Variants in DMAC1 observed in about 807,000 individuals in gnomAD.
DMAC1 encodes the protein distal membrane-arm assembly complex protein 1.
Under a neutral mutation model 7.0 loss-of-function variants are expected in DMAC1, and 10 were observed. That is an observed-to-expected ratio of 1.43 (90% confidence interval 0.88 to 2.43). The LOEUF (loss-of-function observed/expected upper bound fraction) is 2.43, where lower values mean the gene tolerates loss of function less well. Among genes scored for constraint, DMAC1 ranks in the 30% most tolerant of loss-of-function variants. The pLI is 0.00. For synonymous variants in DMAC1, 92 were observed against 66.2 expected, an observed-to-expected ratio of 1.39 and a Z score of -1.90; for missense variants, 219 against 158.7, an observed-to-expected ratio of 1.38 and a Z score of -2.04.
rs548921734 is a variant in DMAC1, at chr9:7,797,585, C to T, written c.*988G>A. On this transcript the variant is annotated 3_prime_UTR_variant, in exon 2 of 2. Transcript: ENST00000358227. The stretch of plus-strand genomic sequence containing the variant: ...GCCATAGTATCTCAGGGTAGAAAAA[C>T]CCAATAGGTAGAAAACATGGCCTTC... The T allele has an allele frequency of 6.6e-6, 1 of 152,228 alleles. No homozygotes were observed. The highest frequency in any genetic ancestry group is 2.1e-4 in the South Asian group (1 of 4,820). The allele number at this position is 152,228 out of a possible 1,614,324, so 9.4% of individuals were successfully genotyped here.
Position 7,797,099 on chromosome 9 carries a change from A to C in DMAC1, c.*1474T>G, listed in dbSNP as rs1255381035. On this transcript the variant is annotated 3_prime_UTR_variant, in exon 2 of 2. Coordinates refer to ENST00000358227, the MANE Select transcript of DMAC1 (RefSeq NM_033428.3). Reference sequence around the variant, plus strand: ...AACCAAAGAAAATGTTCAGGGACTAAAGCAGTCCATCAATAGAACAGACTG... The same window carrying C: ...AACCAAAGAAAATGTTCAGGGACTACAGCAGTCCATCAATAGAACAGACTG... The C allele has an allele frequency of 1.3e-5, 2 of 152,204 alleles. No homozygotes were observed. The highest frequency in any genetic ancestry group is 2.9e-5 in the Non-Finnish European group (2 of 68,046). 9.4% of individuals were successfully genotyped at this position (152,204 alleles called of 1,614,324 possible).
chr9:7,799,332 G>A (rs1174620921), intron 1 of DMAC1, 129 bp downstream of exon 1: 1 of 1,219,614 alleles, frequency 8.2e-7, no homozygotes, highest in African/African-American at 1.6e-5. Flanking sequence ...CACCTTGTTT[G>A]AGGTGCCCCC....
rs545001950 is a variant in DMAC1 at position 7,796,705 on chromosome 9, G to C, written c.*1868C>G. On this transcript the variant is annotated 3_prime_UTR_variant, in exon 2 of 2. Transcript: ENST00000358227. The stretch of plus-strand genomic sequence containing the variant: ...CCTCTTGCTCCTCAGACTACTCAGC[G>C]TGAAGATGAGGATGAAGACCTTTAG... 1.3e-5 allele frequency: 2 copies of C among 152,338 alleles called. No homozygotes were observed. Among genetic ancestry groups the C allele is most frequent in the Non-Finnish European group, 2.9e-5 (2 of 68,030 alleles). 9.4% of individuals were successfully genotyped at this position (152,338 alleles called of 1,614,324 possible). A position where few individuals can be genotyped will look rare whatever the true frequency, so the allele number is the denominator to read the frequency against.
rs1474560856 is a variant in DMAC1 at position 7,797,621 on chromosome 9, G to C, written c.*952C>G. The C allele has an allele frequency of 2.6e-5, 4 of 151,828 alleles. No homozygotes were observed. The highest frequency in any genetic ancestry group is 2.4e-5 in the African/African-American group (1 of 41,380). The allele number at this position is 151,828 out of a possible 1,614,324, so 9.4% of individuals were successfully genotyped here. The stretch of plus-strand genomic sequence containing the variant: ...GAAAACATGGCCTTCTCTTAGAAAT[G>C]AACTATGTAATTTTGAGTACTTATC... On this transcript the variant is annotated 3_prime_UTR_variant, in exon 2 of 2. Coordinates refer to ENST00000358227, the MANE Select transcript of DMAC1 (RefSeq NM_033428.3).
rs1336296863 is a variant in DMAC1 at position 7,796,782 on chromosome 9, A to T, written c.*1791T>A. ...GTGAATATATTACTTCCTTAATAAC[A>T]TTTTTTTTTTCTCTAGCTTACCTTC... is the stretch of plus-strand genomic sequence containing the variant. On this transcript the variant is annotated 3_prime_UTR_variant, in exon 2 of 2. Coordinates refer to ENST00000358227, the MANE Select transcript of DMAC1 (RefSeq NM_033428.3). 1 of 151,082 alleles carries T rather than the reference A, an allele frequency of 6.6e-6. No individual in the cohort carries two copies. Among genetic ancestry groups the T allele is most frequent in the East Asian group, 2.0e-4 (1 of 5,128 alleles). 9.4% of individuals were successfully genotyped at this position (151,082 alleles called of 1,614,324 possible).
Position 7,798,315 on chromosome 9 carries a change from T to C in DMAC1, c.*258A>G, listed in dbSNP as rs1463484089. ...ATTATATTTAAATATAAGTTATACT[T>C]TCCTTCCCCAGATAAGACAAAGAAC... On this transcript the variant is annotated 3_prime_UTR_variant, in exon 2 of 2. Coordinates refer to ENST00000358227, the MANE Select transcript of DMAC1 (RefSeq NM_033428.3). The C allele has an allele frequency of 7.0e-6, 3 of 427,424 alleles. No homozygotes were observed. The highest frequency in any genetic ancestry group is 5.9e-5 in the African/African-American group (3 of 51,218). 26.5% of individuals were successfully genotyped at this position (427,424 alleles called of 1,614,324 possible).
chr9:7,798,410 G>C lies in DMAC1; in HGVS notation c.*163C>G, dbSNP rs1169112869. The C allele has an allele frequency of 1.3e-6, 1 of 775,442 alleles. No individual in the cohort carries two copies. Among genetic ancestry groups the C allele is most frequent in the Non-Finnish European group, 2.2e-6 (1 of 448,582 alleles). The allele number at this position is 775,442 out of a possible 1,614,324, so 48.0% of individuals were successfully genotyped here. A position where few individuals can be genotyped will look rare whatever the true frequency, so the allele number is the denominator to read the frequency against. ...GAAGGCCACAAACACTCCATAGCCAGAGAATGACAACATACGATTTTCTTC... is the reference window on the plus strand; with the variant it reads ...GAAGGCCACAAACACTCCATAGCCACAGAATGACAACATACGATTTTCTTC... On this transcript the variant is annotated 3_prime_UTR_variant, in exon 2 of 2. Coordinates refer to ENST00000358227, the MANE Select transcript of DMAC1 (RefSeq NM_033428.3).
In DMAC1 at chr9:7,797,953, A is replaced by C. The variant is rs1002761355; in HGVS notation, c.*620T>G. The C allele has an allele frequency of 1.3e-5, 2 of 152,236 alleles. No individual in the cohort carries two copies. The highest frequency in any genetic ancestry group is 4.8e-5 in the African/African-American group (2 of 41,456). The allele number at this position is 152,236 out of a possible 1,614,324, so 9.4% of individuals were successfully genotyped here. On this transcript the variant is annotated 3_prime_UTR_variant, in exon 2 of 2. Coordinates refer to ENST00000358227, the MANE Select transcript of DMAC1 (RefSeq NM_033428.3). Reference sequence around the variant, plus strand: ...TCCAATGAAGTAACTACCTCAGACTAGCTGTGAAGCTCTCATAAGGTGATG... The same window carrying C: ...TCCAATGAAGTAACTACCTCAGACTCGCTGTGAAGCTCTCATAAGGTGATG...
Position 7,799,507 on chromosome 9 carries a change from T to G in DMAC1, c.228A>C (p.Gly76=). 1 of 1,613,352 alleles carries G rather than the reference T, an allele frequency of 6.2e-7. No individual in the cohort carries two copies. The highest frequency in any genetic ancestry group is 1.7e-5 in the Admixed American group (1 of 60,006). ...TAATGGTCCATGGACTCGGGGGGTA[T>G]CCCATCTTCATGGGCTTCCGTGCCA... ...YWVARKPMKM[G]YPPSPWTITQ... The change falls in exon 1 of 2, where the codon GGA becomes GGC. Residue 76 remains glycine (G), a synonymous_variant. Coordinates refer to ENST00000358227, the MANE Select transcript of DMAC1 (RefSeq NM_033428.3).
In DMAC1 at chr9:7,798,362, T is replaced by C; in HGVS notation, c.*211A>G. 1 of 544,108 alleles carries C rather than the reference T, an allele frequency of 1.8e-6. No homozygotes were observed. 33.7% of individuals were successfully genotyped at this position (544,108 alleles called of 1,614,324 possible). On this transcript the variant is annotated 3_prime_UTR_variant, in exon 2 of 2. Coordinates refer to ENST00000358227, the MANE Select transcript of DMAC1 (RefSeq NM_033428.3). ...GAACCTGTTTACTTCTCTGAGGGAT[T>C]TATTGGTTCCTGTGAAATCTGTGAA...
At position 7,798,642 on chromosome 9, in the gene DMAC1, A is replaced by G. The variant is rs758453598; in HGVS notation, c.275-5T>C. 4.5e-6 allele frequency: 7 copies of G among 1,555,466 alleles called. No individual in the cohort carries two copies. The highest frequency in any genetic ancestry group is 3.8e-5 in the Admixed American group (2 of 53,010). ...CGATACCCCAGGTGGCAATGCCTAG[A>G]AAAAAAACAACAATACCTTACCTTT... On this transcript the variant is annotated splice_polypyrimidine_tract_variant and splice_region_variant and intron_variant, in intron 1 of 1. Transcript: ENST00000358227.
At chr9:7,799,430 AC>A (rs1818691794) in intron 1 of DMAC1, 30 bp downstream of exon 1, 1 of 1,609,184 alleles carries the variant, frequency 6.2e-7, no homozygotes, top group Non-Finnish European at 8.5e-7. Flanking sequence ...CAGATACCCA[AC>A]CCGCCCAAGT....
intron 1 of DMAC1, 144 bp downstream of exon 1, chr9:7,799,317 T>A (rs1818688542): frequency 1.9e-6 from 2 of 1,060,928 alleles, no homozygotes; most frequent in African/African-American, 3.3e-5. Flanking sequence ...AACAACTTCC[T>A]CTCCCACCTT....
At position 7,798,196 on chromosome 9, in the gene DMAC1, A is replaced by G. The variant is rs914271844; in HGVS notation, c.*377T>C. ...AAAAGTTTTAAAAATTATACTAACT[A>G]TATAACTAAACATATTTATGTTTAT... On this transcript the variant is annotated 3_prime_UTR_variant, in exon 2 of 2. Coordinates refer to ENST00000358227, the MANE Select transcript of DMAC1 (RefSeq NM_033428.3). 11 of 157,782 alleles carry G rather than the reference A, an allele frequency of 7.0e-5. No individual in the cohort carries two copies. The highest frequency in any genetic ancestry group is 1.3e-4 in the Admixed American group (2 of 15,754). The allele number at this position is 157,782 out of a possible 1,614,324, so 9.8% of individuals were successfully genotyped here.
In DMAC1 at chr9:7,799,771, T is replaced by C; in HGVS notation, c.-37A>G. 2 of 1,495,456 alleles carry C rather than the reference T, an allele frequency of 1.3e-6. No individual in the cohort carries two copies. Among genetic ancestry groups the C allele is most frequent in the South Asian group, 2.7e-5 (2 of 75,222 alleles). 92.6% of individuals were successfully genotyped at this position (1,495,456 alleles called of 1,614,324 possible). A position where few individuals can be genotyped will look rare whatever the true frequency, so the allele number is the denominator to read the frequency against. The stretch of plus-strand genomic sequence containing the variant: ...CGGCCTCAACCTTGGGCGTCTTTGG[T>C]TCAAACTGGCGTAAACGACGCACCG... On this transcript the variant is annotated 5_prime_UTR_variant, in exon 1 of 2. Transcript: ENST00000358227.
Position 7,798,352 on chromosome 9 carries a change from T to C in DMAC1, c.*221A>G. ...ATAAGACAAAGAACCTGTTTACTTCTCTGAGGGATTTATTGGTTCCTGTGA... is the reference window on the plus strand; with the variant it reads ...ATAAGACAAAGAACCTGTTTACTTCCCTGAGGGATTTATTGGTTCCTGTGA... On this transcript the variant is annotated 3_prime_UTR_variant, in exon 2 of 2. Coordinates refer to ENST00000358227, the MANE Select transcript of DMAC1 (RefSeq NM_033428.3). The C allele has an allele frequency of 1.9e-6, 1 of 523,816 alleles. No individual in the cohort carries two copies. Among genetic ancestry groups the C allele is most frequent in the Non-Finnish European group, 3.5e-6 (1 of 287,996 alleles). The allele number at this position is 523,816 out of a possible 1,614,324, so 32.4% of individuals were successfully genotyped here. A position where few individuals can be genotyped will look rare whatever the true frequency, so the allele number is the denominator to read the frequency against.
rs751442603 is a variant in DMAC1, at chr9:7,798,618, G to A, written c.294C>T (p.Ile98=). 9 of 1,590,806 alleles carry A rather than the reference G, an allele frequency of 5.7e-6. No individual in the cohort carries two copies. The highest frequency in any genetic ancestry group is 4.0e-5 in the African/African-American group (3 of 74,354). ...TCCCTTTGGGGTCTGCCATGACAAC[G>A]ATACCCCAGGTGGCAATGCCTAGAA... ...VIGLSIATWG[I]VVMADPKGKA... The change falls in exon 2 of 2, where the codon ATC becomes ATT. Residue 98 remains isoleucine (I), a synonymous_variant. Transcript: ENST00000358227.
At position 7,799,773 on chromosome 9, in the gene DMAC1, C is replaced by G. The variant is rs993054244; in HGVS notation, c.-39G>C. 2.0e-6 allele frequency: 3 copies of G among 1,494,976 alleles called. No individual in the cohort carries two copies. Among genetic ancestry groups the G allele is most frequent in the African/African-American group, 1.4e-5 (1 of 71,506 alleles). The allele number at this position is 1,494,976 out of a possible 1,614,324, so 92.6% of individuals were successfully genotyped here. A position where few individuals can be genotyped will look rare whatever the true frequency, so the allele number is the denominator to read the frequency against. On this transcript the variant is annotated 5_prime_UTR_variant, in exon 1 of 2. Transcript: ENST00000358227. Reference sequence around the variant, plus strand: ...GCCTCAACCTTGGGCGTCTTTGGTTCAAACTGGCGTAAACGACGCACCGGA... The same window carrying G: ...GCCTCAACCTTGGGCGTCTTTGGTTGAAACTGGCGTAAACGACGCACCGGA...
rs1818692239 is a variant in DMAC1, at chr9:7,799,446, T to G, written c.274+15A>C. Reference sequence around the variant, plus strand: ...AGATACCCAACCCGCCCAAGTGCTGTGCCTTGATTCTCACTGAGGCCGATG... The same window carrying G: ...AGATACCCAACCCGCCCAAGTGCTGGGCCTTGATTCTCACTGAGGCCGATG... On this transcript the variant is annotated intron_variant, in intron 1 of 1. Transcript: ENST00000358227. 3 of 1,612,244 alleles carry G rather than the reference T, an allele frequency of 1.9e-6. No homozygotes were observed. Among genetic ancestry groups the G allele is most frequent in the Non-Finnish European group, 2.5e-6 (3 of 1,179,946 alleles).
Sources: gnomAD v4.1 joint callset for allele counts on GRCh38, gnomAD v4.1.1 for gene constraint, MANE v1.5 for transcripts, NCBI Gene and HGNC (gene_info 2026-07-23, HGNC 2026-07-21) for gene names.